RUSC1: variants seen among roughly 807,000 people sequenced by gnomAD.
RUSC1 encodes the protein AP-4 complex accessory subunit RUSC1.
In RUSC1, 40 loss-of-function variants were observed where a neutral mutation model predicts 72.1. That is an observed-to-expected ratio of 0.55 (90% CI 0.43 to 0.72). The LOEUF (loss-of-function observed/expected upper bound fraction) is 0.72. RUSC1 is among the 30% of genes least tolerant of loss of function. The pLI, the probability that RUSC1 is intolerant of heterozygous loss-of-function variation, is 0.00. For synonymous variants in RUSC1, 512 were observed against 494.2 expected (o/e 1.04, Z -0.48); for missense variants, 1,092 against 1,172.3 (o/e 0.93, Z 1.00).
chr1:155,325,965 A>G lies in RUSC1; in HGVS notation c.1861+55A>G. 1 of 1,563,890 alleles carries G rather than the reference A, an allele frequency of 6.4e-7. No individual in the cohort carries two copies. Among genetic ancestry groups the G allele is most frequent in the African/African-American group, 1.4e-5 (1 of 73,910 alleles). On this transcript the variant is annotated intron_variant, in intron 7 of 9. Coordinates refer to ENST00000368352, the MANE Select transcript of RUSC1 (RefSeq NM_001105203.2). This position sits in a 1 kb window ranked among gnomAD's most constrained non-coding sequence, Gnocchi z 6.5. ...CTGATGGGCTGGGAGGATGGGAAGGAAAGAGTTCTCTCCTGCTGGTTCCCA... is the reference window on the plus strand; with the variant it reads ...CTGATGGGCTGGGAGGATGGGAAGGGAAGAGTTCTCTCCTGCTGGTTCCCA...
Position 155,322,957 on chromosome 1 carries a change from C to G in RUSC1, c.1184C>G (p.Ala395Gly), listed in dbSNP as rs1272273537. Residue 395 changes from alanine to glycine, a missense_variant, in exon 2 of 10, where the codon GCT (alanine) becomes GGT (glycine). Coordinates refer to ENST00000368352, the MANE Select transcript of RUSC1 (RefSeq NM_001105203.2). The stretch of plus-strand genomic sequence containing the variant: ...CCTCGAGACCCCCCAGTTGGCTGGG[C>G]TTTGGTCCCGCCCCGGCCCCCACCC... Reference protein sequence around the residue: ...VPPRDPPVGWALVPPRPPPPP... With the variant: ...VPPRDPPVGWGLVPPRPPPPP... 1.3e-6 allele frequency: 2 copies of G among 1,567,644 alleles called. No homozygotes were observed. Among genetic ancestry groups the G allele is most frequent in the Non-Finnish European group, 1.7e-6 (2 of 1,156,178 alleles).
chr1:155,325,579 G>T lies in RUSC1; in HGVS notation c.1721G>T (p.Arg574Leu), dbSNP rs1296329181. Residue 574 changes from arginine to leucine, a missense_variant, in exon 6 of 10, where the codon CGC becomes CTC. Coordinates refer to ENST00000368352, the MANE Select transcript of RUSC1 (RefSeq NM_001105203.2). This position sits in a 1 kb window ranked among gnomAD's most constrained non-coding sequence, Gnocchi z 6.5. ...CCCACGTTCTCAGGCTCCAGCACCCGCTCCCTTGGAACCCTGTATAGCCAG... is the reference window on the plus strand; with the variant it reads ...CCCACGTTCTCAGGCTCCAGCACCCTCTCCCTTGGAACCCTGTATAGCCAG... ...EASVKPGSSTRSLGTLYSQVS... is the reference protein window; with the variant it reads ...EASVKPGSSTLSLGTLYSQVS... 2 of 1,610,564 alleles carry T rather than the reference G, an allele frequency of 1.2e-6. No homozygotes were observed. The highest frequency in any genetic ancestry group is 1.7e-6 in the Non-Finnish European group (2 of 1,179,936).
At position 155,326,825 on chromosome 1, in the gene RUSC1, G is replaced by C; in HGVS notation, c.2107G>C (p.Ala703Pro). 1 of 1,613,524 alleles carries C rather than the reference G, an allele frequency of 6.2e-7. No individual in the cohort carries two copies. Among genetic ancestry groups the C allele is most frequent in the Non-Finnish European group, 8.5e-7 (1 of 1,180,044 alleles). ...CATGCTGCACTTTGGGGGCCGGCTG[G>C]CCCAGAGCCTTCGGGGGACTTCCAA... ...QAMLHFGGRL[A>P]QSLRGTSKEA... Residue 703 changes from alanine (A) to proline (P), a missense_variant, in exon 8 of 10, where the codon GCC (alanine) becomes CCC (proline). Transcript: ENST00000368352. The surrounding 1 kb of genome is among the most constrained non-coding windows in gnomAD (Gnocchi z 4.7).
chr1:155,329,622 G>C (rs1651798544), intron 9 of RUSC1, among the ~76,000 whole-genome samples: 1 of 150,652 alleles, frequency 6.6e-6, no homozygotes, highest in Non-Finnish European at 1.5e-5. Context: ...TCGATCTCTT[G>C]ACCTTGTGAT....
At position 155,330,708 on chromosome 1, in the gene RUSC1, TA is replaced by T. The variant is rs111866473; in HGVS notation, c.*140del. On this transcript the variant is annotated 3_prime_UTR_variant, in exon 10 of 10. Coordinates refer to ENST00000368352, the MANE Select transcript of RUSC1 (RefSeq NM_001105203.2). ...CGTCTGTTTCTGCTAATATTTAAAA[TA>T]AACTTTCCTTCTTCCCTCCTATACC... 25 of 863,666 alleles carry T rather than the reference TA, an allele frequency of 2.9e-5. No individual in the cohort carries two copies. The African/African-American group carries it at 3.0e-4, about 10-fold the overall frequency. The allele number at this position is 863,666 out of a possible 1,614,324, so 53.5% of individuals were successfully genotyped here. A position where few individuals can be genotyped will look rare whatever the true frequency, so the allele number is the denominator to read the frequency against.
In RUSC1 at chr1:155,322,876, TCAC is replaced by T. The variant is rs1232399307; in HGVS notation, c.1108_1110del (p.Thr370del). The T allele has an allele frequency of 6.2e-7, 1 of 1,611,674 alleles. No homozygotes were observed. The highest frequency in any genetic ancestry group is 8.5e-7 in the Non-Finnish European group (1 of 1,179,608). On this transcript the variant is annotated inframe_deletion, in exon 2 of 10. Coordinates refer to ENST00000368352, the MANE Select transcript of RUSC1 (RefSeq NM_001105203.2). The stretch of plus-strand genomic sequence containing the variant: ...GGCTCCTCGGCACCTCCTCGGGAAG[TCAC>T]CACCTTCAAGGAACTCCGGTCCCGA...
In RUSC1 at chr1:155,330,555, C is replaced by T. The variant is rs766306761; in HGVS notation, c.2693C>T (p.Thr898Ile). Reference sequence around the variant, plus strand: ...GAGGGTCTGGTGCCTGTGGGGTATACCTCCCTTGTTCTGTAGCCCTGGGAC... The same window carrying T: ...GAGGGTCTGGTGCCTGTGGGGTATATCTCCCTTGTTCTGTAGCCCTGGGAC... ...GMEGLVPVGY[T>I]SLVL The change falls in exon 10 of 10, where the codon ACC becomes ATC. Residue 898 changes from threonine (T) to isoleucine (I), a missense_variant. Transcript: ENST00000368352. The T allele has an allele frequency of 1.2e-6, 2 of 1,605,684 alleles. No homozygotes were observed. Among genetic ancestry groups the T allele is most frequent in the Non-Finnish European group, 1.7e-6 (2 of 1,175,604 alleles).
Position 155,325,667 on chromosome 1 carries a change from C to G in RUSC1, c.1809C>G (p.Leu603=). 1 of 1,613,820 alleles carries G rather than the reference C, an allele frequency of 6.2e-7. No homozygotes were observed. The highest frequency in any genetic ancestry group is 1.1e-5 in the South Asian group (1 of 91,038). ...RSRFHAFILG[L]LNTKQLELWF... ...GCTTCCATGCCTTTATCCTGGGCCT[C>G]CTCAAGTGAGTTGCCTTCTTTCCAG... Residue 603 remains leucine (L), a synonymous_variant, in exon 6 of 10, where the codon CTC becomes CTG. Coordinates refer to ENST00000368352, the MANE Select transcript of RUSC1 (RefSeq NM_001105203.2). This position sits in a 1 kb window ranked among gnomAD's most constrained non-coding sequence, Gnocchi z 6.5.
Position 155,330,667 on chromosome 1 carries a change from AT to A in RUSC1, c.*97del. 8.1e-7 allele frequency: 1 copy of A among 1,239,154 alleles called. No homozygotes were observed. Among genetic ancestry groups the A allele is most frequent in the East Asian group, 2.7e-5 (1 of 37,396 alleles). 76.8% of individuals were successfully genotyped at this position (1,239,154 alleles called of 1,614,324 possible). ...CCCAGAAGCATTTTCCCTCTGCAAA[AT>A]GACGTTTCTTCCCACGTCTGTTTCT... On this transcript the variant is annotated 3_prime_UTR_variant, in exon 10 of 10. Coordinates refer to ENST00000368352, the MANE Select transcript of RUSC1 (RefSeq NM_001105203.2).
At chr1:155,323,253 A>C in intron 2 of RUSC1, 123 bp downstream of exon 2, 2 of 1,138,118 alleles carry the variant, frequency 1.8e-6, no homozygotes, top group Non-Finnish European at 2.3e-6. Context: ...CCCTTCTACC[A>C]GGGAGCGCTC....
Position 155,326,704 on chromosome 1 carries a change from C to T in RUSC1, c.1986C>T (p.Asp662=), listed in dbSNP as rs773071427. The T allele has an allele frequency of 1.3e-5, 21 of 1,613,472 alleles. No individual in the cohort carries two copies. The Admixed American group carries it at 3.3e-4, about 26-fold the overall frequency. ...QPLSVLTFHL[D]LLFEHHHHLP... is the part of the protein sequence containing the mutation. ...TGTCGGTGCTCACTTTCCACCTGGA[C>T]CTGCTCTTTGAGCACCACCACCACC... Residue 662 remains aspartate (D), a synonymous_variant, in exon 8 of 10, where the codon GAC becomes GAT. Transcript: ENST00000368352. This position sits in a 1 kb window ranked among gnomAD's most constrained non-coding sequence, Gnocchi z 4.7.
chr1:155,323,403 C>G, intron 2 of RUSC1: 1 of 364,226 alleles, frequency 2.7e-6, no homozygotes, highest in Non-Finnish European at 4.9e-6. Flanking sequence ...CGCCTGCAGC[C>G]GGTCCCCTCC....
rs760504478 is a variant in RUSC1 at position 155,330,532 on chromosome 1, G to C, written c.2670G>C (p.Glu890Asp). 1 of 1,613,046 alleles carries C rather than the reference G, an allele frequency of 6.2e-7. No homozygotes were observed. Among genetic ancestry groups the C allele is most frequent in the Non-Finnish European group, 8.5e-7 (1 of 1,179,406 alleles). Residue 890 changes from glutamate to aspartate, a missense_variant, in exon 10 of 10, where the codon GAG becomes GAC. Glu to Asp is a conservative substitution (Grantham distance 45, BLOSUM62 2). Coordinates refer to ENST00000368352, the MANE Select transcript of RUSC1 (RefSeq NM_001105203.2). ...DWLRCGRDGMEGLVPVGYTSL... is the reference protein window; with the variant it reads ...DWLRCGRDGMDGLVPVGYTSL... ...TCCGCTGTGGGCGGGATGGCATGGA[G>C]GGTCTGGTGCCTGTGGGGTATACCT...
chr1:155,326,899 G>C lies in RUSC1; in HGVS notation c.2181G>C (p.Gly727=). 6.2e-7 allele frequency: 1 copy of C among 1,613,812 alleles called. No homozygotes were observed. The highest frequency in any genetic ancestry group is 1.7e-5 in the Admixed American group (1 of 60,036). Residue 727 remains glycine, a synonymous_variant, in exon 8 of 10, where the codon GGG becomes GGC. Transcript: ENST00000368352. The surrounding 1 kb of genome is among the most constrained non-coding windows in gnomAD (Gnocchi z 4.7). ...ACTCTCCAAACCTTCCCACACCAGG[G>C]AGCTGGTGGGAGCAGTTGACCCAGG... The part of the protein sequence containing the change: ...PSDSPNLPTP[G]SWWEQLTQAS...
intron 2 of RUSC1, chr1:155,323,814 TA>T: frequency 1.5e-6 from 1 of 655,878 alleles, no homozygotes; most frequent in Non-Finnish European, 1.9e-6. Context: ...CCAGGCTACG[TA>T]AGACGGACCC....
intron 2 of RUSC1, chr1:155,323,618 C>A (rs1650874266): frequency 1.3e-5 from 2 of 152,462 alleles, no homozygotes; most frequent in Admixed American, 6.5e-5. Flanking sequence ...TATTCGCCTC[C>A]GACTCGGGGA....
At position 155,328,147 on chromosome 1, in the gene RUSC1, T is replaced by A. The variant is rs199880851; in HGVS notation, c.2415-3T>A. ...AGCTGTGACCCTATGTCCCTTCTTTTAGGAGACCATCTAGCTGGCTGCCCC... is the reference window on the plus strand; with the variant it reads ...AGCTGTGACCCTATGTCCCTTCTTTAAGGAGACCATCTAGCTGGCTGCCCC... On this transcript the variant is annotated splice_polypyrimidine_tract_variant and splice_region_variant and intron_variant, in intron 8 of 9. Coordinates refer to ENST00000368352, the MANE Select transcript of RUSC1 (RefSeq NM_001105203.2). The A allele has an allele frequency of 1.9e-6, 3 of 1,612,160 alleles. No individual in the cohort carries two copies. Among genetic ancestry groups the A allele is most frequent in the South Asian group, 1.1e-5 (1 of 90,368 alleles).
chr1:155,326,894 C>T lies in RUSC1; in HGVS notation c.2176C>T (p.Pro726Ser). The T allele has an allele frequency of 6.2e-7, 1 of 1,613,796 alleles. No individual in the cohort carries two copies. The highest frequency in any genetic ancestry group is 1.3e-5 in the African/African-American group (1 of 75,076). The change falls in exon 8 of 10, where the codon CCA becomes TCA. Residue 726 changes from proline to serine, a missense_variant. Physicochemically the swap from Pro to Ser is moderately conservative, Grantham distance 74. Transcript: ENST00000368352. This position sits in a 1 kb window ranked among gnomAD's most constrained non-coding sequence, Gnocchi z 4.7. The stretch of plus-strand genomic sequence containing the variant: ...CTCTGACTCTCCAAACCTTCCCACA[C>T]CAGGGAGCTGGTGGGAGCAGTTGAC... ...DPSDSPNLPT[P>S]GSWWEQLTQA... is the part of the protein sequence containing the mutation.
Position 155,329,242 on chromosome 1 carries a change from T to C in RUSC1, c.2540+967T>C, listed in dbSNP as rs558559550. Reference sequence around the variant, plus strand: ...CTGGGATTACAGGCACCTGCCACCATGCCTGGCTAATTTTTGTAATTTTAG... The same window carrying C: ...CTGGGATTACAGGCACCTGCCACCACGCCTGGCTAATTTTTGTAATTTTAG... On this transcript the variant is annotated intron_variant, in intron 9 of 9. Coordinates refer to ENST00000368352, the MANE Select transcript of RUSC1 (RefSeq NM_001105203.2). Among the ~76,000 whole-genome samples, 6 of 150,798 alleles carry C rather than the reference T, an allele frequency of 4.0e-5. No homozygotes were observed. In the East Asian group the frequency reaches 9.9e-4, roughly 25 times the overall value.
Sources: gnomAD v4.1 joint callset for allele counts (sites outside exome capture counted in the v4.1 genomes callset) on GRCh38, gnomAD v4.1.1 for gene constraint, Gnocchi (gnomAD v3.1) non-coding constraint, MANE v1.5 for transcripts, NCBI Gene and HGNC (gene_info 2026-07-23, HGNC 2026-07-21) for gene names.